Variants in LMLN observed in about 807,000 individuals in gnomAD.
LMLN encodes the protein leishmanolysin like peptidase.
In LMLN, 70 loss-of-function variants were observed where a neutral mutation model predicts 92.3. That is an observed-to-expected ratio of 0.76 (90% CI 0.63 to 0.92). The LOEUF is 0.92. Ranked by LOEUF, LMLN falls within the 40% of genes least tolerant of loss-of-function variation. The probability of loss-of-function intolerance (pLI) is 0.00; values close to 1 mark genes in which losing one functional copy is unlikely to be tolerated. For missense variants in LMLN, 691 were observed against 814.6 expected (o/e 0.85, Z 1.85); for synonymous variants, 308 against 296.2 (o/e 1.04, Z -0.41).
Position 197,962,785 on chromosome 3 carries a change from C to G in LMLN, c.219+2345C>G, listed in dbSNP as rs1053790019. 4.0e-5 allele frequency among the ~76,000 whole-genome samples: 6 copies of G among 148,420 alleles called. No individual in the cohort carries two copies. The South Asian group carries it at 1.3e-3, about 31-fold the overall frequency. ...CAATATCCTTTTTTTTTTTTTTTGC[C>G]CCATATGGGTATTCAGTTGCCTGGA... On this transcript the variant is annotated intron_variant, in intron 1 of 15. Coordinates refer to ENST00000330198, the Ensembl canonical transcript of LMLN.
intron 6 of LMLN, among the ~76,000 whole-genome samples, chr3:197,981,806 CTT>C (rs560078859): frequency 1.3e-4 from 18 of 140,634 alleles, no homozygotes; most frequent in Admixed American, 4.3e-4. Flanking sequence ...GTCAGCTAGT[CTT>C]TTTTTTTTTT....
intron 11 of LMLN, among the ~76,000 whole-genome samples, chr3:198,015,138 A>C (rs1352482261): frequency 7.0e-6 from 1 of 143,200 alleles, no homozygotes; most frequent in Non-Finnish European, 1.5e-5. Flanking sequence ...TACCTTTCAG[A>C]GCCTCCTAAC....
At chr3:197,981,077 TGGG>T (rs1417183849) in intron 6 of LMLN, among the ~76,000 whole-genome samples, 1 of 151,558 alleles carries the variant, frequency 6.6e-6, no homozygotes, top group East Asian at 1.9e-4. Flanking sequence ...CACTCCAGCC[TGGG>T]CACCAGAGTG....
In LMLN at chr3:197,970,810, C is replaced by T. The variant is rs556109777; in HGVS notation, c.220-3567C>T. On this transcript the variant is annotated intron_variant, in intron 1 of 15. Coordinates refer to ENST00000330198, the Ensembl canonical transcript of LMLN. ...CAATCTCTGACCTGCTGTGTTGACT[C>T]TTCTGCACAATAGTCTTTCATATCT... is the stretch of plus-strand genomic sequence containing the variant. Among the ~76,000 whole-genome samples the T allele has an allele frequency of 3.9e-5, 6 of 152,348 alleles. No homozygotes were observed. In the South Asian group the frequency reaches 1.2e-3, roughly 32 times the overall value.
chr3:198,007,730 G>T (rs1176923707), intron 11 of LMLN, among the ~76,000 whole-genome samples: 1 of 152,150 alleles, frequency 6.6e-6, no homozygotes, highest in Non-Finnish European at 1.5e-5. Context: ...GACTTGCAGG[G>T]ATTTTGCTAG....
intron 14 of LMLN, among the ~76,000 whole-genome samples, chr3:198,027,761 G>T (rs905802657): frequency 6.6e-6 from 1 of 152,126 alleles, no homozygotes; most frequent in Non-Finnish European, 1.5e-5. Context: ...TGAATCAGTT[G>T]ATGGACACTT....
intron 11 of LMLN, among the ~76,000 whole-genome samples, chr3:198,001,572 T>A (rs1022360993): frequency 6.6e-6 from 1 of 152,242 alleles, no homozygotes; most frequent in Admixed American, 6.5e-5. Context: ...TCTGGACAGT[T>A]TGACCTTGCT....
At position 198,025,789 on chromosome 3, in the gene LMLN, C is replaced by T. The variant is rs1722916167; in HGVS notation, c.1656+1001C>T. Among the ~76,000 whole-genome samples the T allele has an allele frequency of 6.6e-6, 1 of 152,204 alleles. No individual in the cohort carries two copies. ...AGCATCCAATGGAATGAATCTTCTG[C>T]ACCCTACAAATGGATGTCAGGGAGG... On this transcript the variant is annotated intron_variant, in intron 14 of 15. Transcript: ENST00000330198. The surrounding 1 kb of genome is among the most constrained non-coding windows in gnomAD (Gnocchi z 4.3).
intron 14 of LMLN, among the ~76,000 whole-genome samples, chr3:198,034,313 ATAG>A (rs1723153042): frequency 6.6e-6 from 1 of 152,214 alleles, no homozygotes; most frequent in African/African-American, 2.4e-5. Context: ...TTTTTTTAAA[ATAG>A]TTAAAATTTT....
chr3:198,038,004 G>T (rs913607662), intron 15 of LMLN, among the ~76,000 whole-genome samples: 10 of 150,980 alleles, frequency 6.6e-5, no homozygotes, highest in Admixed American at 5.3e-4. Context: ...TGTCGTTATT[G>T]CTGGTCCTGT....
exon 16 of LMLN, chr3:198,040,156 G>T (rs1190766844): frequency 6.6e-6 from 1 of 152,222 alleles, no homozygotes; most frequent in African/African-American, 2.4e-5. Context: ...TGTTTAAGAA[G>T]GATGGTCTGA....
At chr3:197,965,126 C>T (rs1012745120) in intron 1 of LMLN, among the ~76,000 whole-genome samples, 7 of 152,126 alleles carry the variant, frequency 4.6e-5, no homozygotes, top group Non-Finnish European at 7.4e-5. Context: ...GCAGTCTCCC[C>T]GCCTCAACCT....
At chr3:197,968,549 A>G (rs1204490093) in intron 1 of LMLN, among the ~76,000 whole-genome samples, 1 of 152,178 alleles carries the variant, frequency 6.6e-6, no homozygotes, top group Non-Finnish European at 1.5e-5. Flanking sequence ...ATTGCAGTAA[A>G]GACAGGCATA....
chr3:197,991,496 G>A (rs1721869166), intron 9 of LMLN, among the ~76,000 whole-genome samples: 1 of 152,116 alleles, frequency 6.6e-6, no homozygotes, highest in Non-Finnish European at 1.5e-5. Context: ...TGGAGACTCA[G>A]GGGATTGTTG....
At chr3:197,972,073 A>G (rs1187441520) in intron 1 of LMLN, among the ~76,000 whole-genome samples, 1 of 139,160 alleles carries the variant, frequency 7.2e-6, no homozygotes, top group East Asian at 2.1e-4. Flanking sequence ...TTTCTAGTGA[A>G]TTTTTTTTTT....
In LMLN at chr3:197,980,520, G is replaced by A. The variant is rs201939798; in HGVS notation, c.728+16G>A. The A allele has an allele frequency of 9.0e-5, 144 of 1,604,028 alleles. No individual in the cohort carries two copies. The African/African-American group carries it at 1.8e-3, about 20-fold the overall frequency. The stretch of plus-strand genomic sequence containing the variant: ...ACATGGACAGGTAATCTTTCCTCCG[G>A]GACTTAGTTTCCAAGATCTAATGTG... On this transcript the variant is annotated intron_variant, in intron 6 of 15. Coordinates refer to ENST00000330198, the Ensembl canonical transcript of LMLN.
At chr3:197,979,736 A>T (rs1364410329) in intron 5 of LMLN, among the ~76,000 whole-genome samples, 1 of 152,128 alleles carries the variant, frequency 6.6e-6, no homozygotes, top group Non-Finnish European at 1.5e-5. Flanking sequence ...GAGAGCCGAG[A>T]TCACGCCACT....
intron 1 of LMLN, among the ~76,000 whole-genome samples, chr3:197,967,987 G>T (rs1014188408): frequency 6.6e-6 from 1 of 152,158 alleles, no homozygotes; most frequent in African/African-American, 2.4e-5. Flanking sequence ...GTCTTCCCTT[G>T]TTCCCTAAAA....
In LMLN at chr3:197,980,566, T is replaced by C. The variant is rs1427660635; in HGVS notation, c.728+62T>C. 7 of 1,470,534 alleles carry C rather than the reference T, an allele frequency of 4.8e-6. No individual in the cohort carries two copies. The East Asian group carries it at 1.6e-4, about 33-fold the overall frequency. The allele number at this position is 1,470,534 out of a possible 1,614,324, so 91.1% of individuals were successfully genotyped here. A position where few individuals can be genotyped will look rare whatever the true frequency, so the allele number is the denominator to read the frequency against. ...ATGTGGGAACTCTTAAAGCAAACTG[T>C]ATTTTTAGTGTTAAGATTACAGGAA... On this transcript the variant is annotated intron_variant, in intron 6 of 15. Coordinates refer to ENST00000330198, the Ensembl canonical transcript of LMLN.
Sources: gnomAD v4.1 joint callset for allele counts (sites outside exome capture counted in the v4.1 genomes callset) on GRCh38, gnomAD v4.1.1 for gene constraint, Gnocchi (gnomAD v3.1) non-coding constraint, MANE v1.5 for transcripts, NCBI Gene and HGNC (gene_info 2026-07-23, HGNC 2026-07-21) for gene names.